The following RHOA variants were observed in gnomAD, a reference collection of about 807,000 sequenced individuals.
RHOA encodes the protein ras homolog family member A.
Under a neutral mutation model 17.5 loss-of-function variants are expected in RHOA, and 3 were observed. That is an observed-to-expected ratio of 0.17 (90% confidence interval 0.08 to 0.44). The LOEUF is 0.44. RHOA is among the 20% of genes least tolerant of loss of function. The pLI is 0.99. For missense variants in RHOA, 56 were observed against 242.3 expected (o/e 0.23, Z 5.10); for synonymous variants, 98 against 88.4 (o/e 1.11, Z -0.61).
chr3:49,406,543 T>C (rs975276040), intron 1 of RHOA, among the ~76,000 whole-genome samples: 1 of 151,942 alleles, frequency 6.6e-6, no homozygotes, highest in African/African-American at 2.4e-5. Context: ...CTGAGGCGGG[T>C]GGATTGCCTG....
chr3:49,395,643 G>A (rs1394009065), intron 1 of RHOA, among the ~76,000 whole-genome samples: 1 of 152,014 alleles, frequency 6.6e-6, no homozygotes, highest in Non-Finnish European at 1.5e-5. Flanking sequence ...AACCCAGGAG[G>A]CGGAGGTTGC....
intron 1 of RHOA, among the ~76,000 whole-genome samples, chr3:49,390,987 G>C (rs1183670517): frequency 6.6e-6 from 1 of 151,952 alleles, no homozygotes; most frequent in East Asian, 1.9e-4. Flanking sequence ...GGGAGGCTGA[G>C]GCAGGAGGAT....
intron 1 of RHOA, among the ~76,000 whole-genome samples, chr3:49,386,570 T>C (rs1451790407): frequency 6.6e-6 from 1 of 152,164 alleles, no homozygotes; most frequent in African/African-American, 2.4e-5. Context: ...TACACATTTC[T>C]AAACATTCCA....
At chr3:49,404,476 T>A (rs1575287689) in intron 1 of RHOA, among the ~76,000 whole-genome samples, 1 of 21,986 alleles carries the variant, frequency 4.5e-5, no homozygotes, top group African/African-American at 1.2e-4. Context: ...CCGGGCATGG[T>A]GGCACGCACC....
At position 49,404,430 on chromosome 3, in the gene RHOA, TAA is replaced by T. The variant is rs1491097585; in HGVS notation, c.-3+7388_-3+7389del. ...CAACAAAGTAAAACCCCGTCTCTAG[TAA>T]AACACACACACACACACACACACAC... On this transcript the variant is annotated intron_variant, in intron 1 of 4. Coordinates refer to ENST00000418115, the MANE Select transcript of RHOA (RefSeq NM_001664.4). 2.0e-4 allele frequency among the ~76,000 whole-genome samples: 5 copies of T among 25,506 alleles called. 2 individuals carry two copies. Among genetic ancestry groups the T allele is most frequent in the East Asian group, 6.7e-4 (2 of 3,004 alleles). The allele number at this position is 25,506 out of a possible 152,430, so 16.7% of individuals were successfully genotyped here. A position where few individuals can be genotyped will look rare whatever the true frequency, so the allele number is the denominator to read the frequency against.
chr3:49,391,000 C>T (rs955227959), intron 1 of RHOA, among the ~76,000 whole-genome samples: 3 of 151,126 alleles, frequency 2.0e-5, no homozygotes, highest in Non-Finnish European at 3.0e-5. Flanking sequence ...AGGAGGATCA[C>T]GAGGTCAGGA....
chr3:49,388,498 G>A (rs2048439249), intron 1 of RHOA, among the ~76,000 whole-genome samples: 1 of 152,126 alleles, frequency 6.6e-6, no homozygotes, highest in African/African-American at 2.4e-5. Flanking sequence ...GCTGAGTGTG[G>A]GAGTGGTGTG....
chr3:49,359,875 A>C lies in RHOA; in HGVS notation c.*334T>G. The C allele has an allele frequency of 3.4e-6, 1 of 293,574 alleles. No homozygotes were observed. The allele number at this position is 293,574 out of a possible 1,614,324, so 18.2% of individuals were successfully genotyped here. On this transcript the variant is annotated 3_prime_UTR_variant, in exon 5 of 5. Coordinates refer to ENST00000418115, the MANE Select transcript of RHOA (RefSeq NM_001664.4). Reference sequence around the variant, plus strand: ...ATAATAGGCAGGACATGTTAGTTATAAAGTAGTTACAGCCTAATTCACAAA... The same window carrying C: ...ATAATAGGCAGGACATGTTAGTTATCAAGTAGTTACAGCCTAATTCACAAA...
intron 4 of RHOA, chr3:49,360,945 C>T (rs953295357): frequency 2.2e-5 from 8 of 364,086 alleles, no homozygotes; most frequent in East Asian, 1.3e-4. Flanking sequence ...TGGTAGTGGG[C>T]GCCTGTAACC....
chr3:49,367,342 C>CAAAAAAAAA (rs62926260), intron 3 of RHOA, among the ~76,000 whole-genome samples: 3,056 of 80,144 alleles, frequency 0.038, 385 homozygotes, highest in Non-Finnish European at 0.052. Context: ...GACTCCCTCT[C>CAAAAAAAAA]AAAAAAAAAA....
At chr3:49,361,756 C>G (rs1458432985) in intron 4 of RHOA, among the ~76,000 whole-genome samples, 1 of 152,144 alleles carries the variant, frequency 6.6e-6, no homozygotes, top group African/African-American at 2.4e-5. Flanking sequence ...TGGCACATGC[C>G]TGTAATCCCA....
At chr3:49,377,163 G>A (rs1052018380) in intron 1 of RHOA, among the ~76,000 whole-genome samples, 1 of 152,100 alleles carries the variant, frequency 6.6e-6, no homozygotes, top group African/African-American at 2.4e-5. Flanking sequence ...GAGCACAGTG[G>A]TTCATGTCTG....
intron 2 of RHOA, among the ~76,000 whole-genome samples, chr3:49,369,898 T>C (rs1455014619): frequency 6.6e-6 from 1 of 151,982 alleles, no homozygotes; most frequent in Non-Finnish European, 1.5e-5. Context: ...AGAAACCCCA[T>C]CTCTACTGAA....
At chr3:49,407,188 A>G (rs2079117212) in intron 1 of RHOA, among the ~76,000 whole-genome samples, 1 of 150,884 alleles carries the variant, frequency 6.6e-6, no homozygotes, top group Non-Finnish European at 1.5e-5. Flanking sequence ...TAAAATAGGC[A>G]GAAGTCACTA....
intron 1 of RHOA, among the ~76,000 whole-genome samples, chr3:49,383,767 C>T (rs572174199): frequency 2.6e-5 from 4 of 152,272 alleles, no homozygotes; most frequent in Non-Finnish European, 5.9e-5. Context: ...CGGTGGCTCA[C>T]GCCCATAATC....
At chr3:49,405,601 C>T (rs1378166630) in intron 1 of RHOA, among the ~76,000 whole-genome samples, 1 of 152,150 alleles carries the variant, frequency 6.6e-6, no homozygotes, top group African/African-American at 2.4e-5. Flanking sequence ...CTCAAGCCAT[C>T]AAGTGTCAGA....
At chr3:49,411,376 T>C (rs963433425) in intron 1 of RHOA, among the ~76,000 whole-genome samples, 2 of 152,264 alleles carry the variant, frequency 1.3e-5, no homozygotes, top group Non-Finnish European at 2.9e-5. Context: ...CGTTTCTCGT[T>C]AAACGTAAAA....
At chr3:49,391,823 CTTTTTTTT>C (rs59591685) in intron 1 of RHOA, among the ~76,000 whole-genome samples, 74 of 99,670 alleles carry the variant, frequency 7.4e-4, no homozygotes, top group Admixed American at 2.8e-3. Flanking sequence ...ATTAATTTAT[CTTTTTTTT>C]TTTTTTTTTT....
intron 1 of RHOA, among the ~76,000 whole-genome samples, chr3:49,401,558 CAA>C (rs5848878): frequency 1.8e-3 from 233 of 131,910 alleles, no homozygotes; most frequent in Middle Eastern, 3.9e-3. Flanking sequence ...AACTCTGTCT[CAA>C]AAAAAAAAAA....
Sources: gnomAD v4.1 joint callset for allele counts (sites outside exome capture counted in the v4.1 genomes callset) on GRCh38, gnomAD v4.1.1 for gene constraint, MANE v1.5 for transcripts, NCBI Gene and HGNC (gene_info 2026-07-23, HGNC 2026-07-21) for gene names.